PDIA5: variants seen among roughly 807,000 people sequenced by gnomAD.
PDIA5 encodes protein disulfide isomerase family A member 5, also known as protein disulfide-isomerase A5.
Under a neutral mutation model 77.6 loss-of-function variants are expected in PDIA5, and 58 were observed. The ratio of observed to expected loss-of-function variants is 0.75; its 90% confidence interval spans 0.61 to 0.93. The LOEUF is 0.93. Ranked by LOEUF, PDIA5 falls within the 40% of genes least tolerant of loss-of-function variation. The probability of loss-of-function intolerance (pLI) is 0.00; values close to 1 mark genes in which losing one functional copy is unlikely to be tolerated. For synonymous variants in PDIA5, 250 were observed against 252.1 expected (o/e 0.99, Z 0.08); for missense variants, 630 against 647.7 (o/e 0.97, Z 0.30).
rs140748021 is a variant in PDIA5, at chr3:123,127,553, A to G, written c.774-2927A>G. Among the ~76,000 whole-genome samples the G allele has an allele frequency of 1.8e-3, 270 of 152,318 alleles. 1 individual carries two copies. The highest frequency in any genetic ancestry group is 6.2e-3 in the African/African-American group (257 of 41,574). On this transcript the variant is annotated intron_variant, in intron 10 of 16. Coordinates refer to ENST00000316218, the MANE Select transcript of PDIA5 (RefSeq NM_006810.4). ...TGTTTTAAGCTGTTTGATTGTGGCT[A>G]GTGGAGGAAACAGGACTCAAGTCAG...
chr3:123,084,485 C>T (rs1344896638), intron 1 of PDIA5, among the ~76,000 whole-genome samples: 2 of 152,078 alleles, frequency 1.3e-5, no homozygotes, highest in African/African-American at 4.8e-5. Context: ...CCTCCTCCCT[C>T]ACTGAGGGTG....
chr3:123,073,607 T>C (rs543243034), intron 1 of PDIA5, among the ~76,000 whole-genome samples: 3 of 152,262 alleles, frequency 2.0e-5, no homozygotes, highest in East Asian at 1.9e-4. Context: ...TGATCTTACA[T>C]TGGGGGGTTG....
At chr3:123,145,324 G>C in intron 11 of PDIA5, 198 bp from the exon 12 acceptor site, 2 of 553,556 alleles carry the variant, frequency 3.6e-6, no homozygotes, top group Non-Finnish European at 6.4e-6. Flanking sequence ...TTTTATTTTT[G>C]TGTCTGGGGT....
At chr3:123,108,688 C>A (rs1478347531) in intron 6 of PDIA5, among the ~76,000 whole-genome samples, 1 of 151,180 alleles carries the variant, frequency 6.6e-6, no homozygotes, top group Non-Finnish European at 1.5e-5. Flanking sequence ...GAGTTTGAGA[C>A]CAGCCTGGCC....
At position 123,087,908 on chromosome 3, in the gene PDIA5, T is replaced by C. The variant is rs183640923; in HGVS notation, c.43-1260T>C. On this transcript the variant is annotated intron_variant, in intron 1 of 16. Coordinates refer to ENST00000316218, the MANE Select transcript of PDIA5 (RefSeq NM_006810.4). ...CTTTAGGTTGTTTTTCTTATGCTCC[T>C]CAGTTTCCCCAGAGGGAAATTCTCT... Among the ~76,000 whole-genome samples the C allele has an allele frequency of 1.1e-4, 16 of 152,320 alleles. 1 individual carries two copies. In the Middle Eastern group the frequency reaches 0.017, roughly 162 times the overall value.
chr3:123,156,111 A>G (rs73856857), intron 15 of PDIA5, among the ~76,000 whole-genome samples: 7,695 of 152,238 alleles, frequency 0.051, 327 homozygotes, highest in African/African-American at 0.11. Context: ...GTGGGAGCAG[A>G]GATACAGGTG....
intron 15 of PDIA5, among the ~76,000 whole-genome samples, chr3:123,157,036 C>T: frequency 6.6e-6 from 1 of 152,222 alleles, no homozygotes; most frequent in Non-Finnish European, 1.5e-5. Context: ...CACACCTTTG[C>T]TTGATTGTCT....
At chr3:123,144,407 C>T (rs936229912) in intron 11 of PDIA5, 1 of 152,296 alleles carries the variant, frequency 6.6e-6, no homozygotes, top group African/African-American at 2.4e-5. Flanking sequence ...CATCCTGAGC[C>T]AGTCTGCAGA....
intron 1 of PDIA5, among the ~76,000 whole-genome samples, chr3:123,076,415 C>T (rs1251099734): frequency 6.6e-6 from 1 of 152,102 alleles, no homozygotes; most frequent in African/African-American, 2.4e-5. Flanking sequence ...ACAGTGTAAC[C>T]CAGTACACAC....
intron 13 of PDIA5, among the ~76,000 whole-genome samples, chr3:123,149,546 G>T (rs1935837900): frequency 6.6e-6 from 1 of 152,002 alleles, no homozygotes; most frequent in South Asian, 2.1e-4. Context: ...GCATGAGGCA[G>T]AGTGGAGGGA....
intron 14 of PDIA5, among the ~76,000 whole-genome samples, chr3:123,151,734 TCCTGCCTGCCTGCCTGCCTGCCTG>T (rs67239583): frequency 3.2e-4 from 36 of 111,474 alleles, no homozygotes; most frequent in Non-Finnish European, 5.7e-4. Context: ...ACTCCTTCCT[TCCTGCCTGCCTGCCTGCCTGCCTG>T]CCTGCCTGCC....
intron 7 of PDIA5, among the ~76,000 whole-genome samples, chr3:123,113,564 A>G (rs968608074): frequency 7.9e-5 from 12 of 152,222 alleles, no homozygotes; most frequent in Admixed American, 7.2e-4. Flanking sequence ...CTAGGTCCCA[A>G]GGAACCTCGG....
chr3:123,067,116 G>C lies in PDIA5; in HGVS notation c.-49G>C. 1 of 1,236,154 alleles carries C rather than the reference G, an allele frequency of 8.1e-7. No individual in the cohort carries two copies. The highest frequency in any genetic ancestry group is 1.0e-6 in the Non-Finnish European group (1 of 987,024). 76.6% of individuals were successfully genotyped at this position (1,236,154 alleles called of 1,614,324 possible). On this transcript the variant is annotated 5_prime_UTR_variant, in exon 1 of 17. Transcript: ENST00000316218. ...GGAGCTAGCAGGCGGGCGGGCGGGA[G>C]CGGGCGCCGGAGTGGAGAAAGGAGC...
intron 8 of PDIA5, among the ~76,000 whole-genome samples, chr3:123,121,624 G>A (rs1359098866): frequency 6.6e-6 from 1 of 152,206 alleles, no homozygotes; most frequent in Non-Finnish European, 1.5e-5. Context: ...TTAAGGGATG[G>A]GTGAGTCTGG....
chr3:123,151,966 TTCCTTCCTGCCTTCCTTCCTG>T, intron 14 of PDIA5, among the ~76,000 whole-genome samples: 1 of 145,742 alleles, frequency 6.9e-6, no homozygotes, highest in African/African-American at 2.6e-5. Flanking sequence ...CCTGCCTGCC[TTCCTTCCTGCCTTCCTTCCTG>T]CCTTCCTGCC....
chr3:123,146,655 C>G (rs75086895), intron 13 of PDIA5, among the ~76,000 whole-genome samples: 160 of 152,302 alleles, frequency 1.1e-3, no homozygotes, highest in African/African-American at 3.5e-3. Context: ...CCAGTAATGT[C>G]CACAGGGCAG....
chr3:123,083,970 G>A (rs1258844396), intron 1 of PDIA5, among the ~76,000 whole-genome samples: 2 of 152,084 alleles, frequency 1.3e-5, no homozygotes, highest in African/African-American at 4.8e-5. Flanking sequence ...GTGGTTGTTT[G>A]CTAGGGTGAG....
chr3:123,129,066 C>CAAAT (rs10636661), intron 10 of PDIA5, among the ~76,000 whole-genome samples: 113,081 of 151,680 alleles, frequency 0.75, 42,527 homozygotes, highest in Non-Finnish European at 0.8. Flanking sequence ...TTCGCTATGA[C>CAAAT]AACCTGCAGT....
intron 10 of PDIA5, 84 bp from the exon 11 acceptor site, chr3:123,130,396 G>T (rs1417557420): frequency 9.7e-6 from 14 of 1,450,328 alleles, no homozygotes; most frequent in Non-Finnish European, 1.2e-5. Context: ...CCCATGGGGA[G>T]CTTTGGGTCC....
Sources: gnomAD v4.1 joint callset for allele counts (sites outside exome capture counted in the v4.1 genomes callset) on GRCh38, gnomAD v4.1.1 for gene constraint, MANE v1.5 for transcripts, NCBI Gene and HGNC (gene_info 2026-07-23, HGNC 2026-07-21) for gene names.